Variants in PES1 observed in about 807,000 individuals in gnomAD.
PES1 encodes pescadillo homolog.
In PES1, 31 loss-of-function variants were observed where a neutral mutation model predicts 77.1. That is an observed-to-expected ratio of 0.40 (90% CI 0.30 to 0.54). The LOEUF (loss-of-function observed/expected upper bound fraction) is 0.54. Ranked by LOEUF, PES1 falls within the 20% of genes least tolerant of loss-of-function variation. PES1 has a pLI of 0.45. For missense variants in PES1, 658 were observed against 771.7 expected (o/e 0.85, Z 1.75); for synonymous variants, 282 against 303.0 (o/e 0.93, Z 0.72).
At chr22:30,600,632 C>T (rs768264240) in intron 2 of PES1, among the ~76,000 whole-genome samples, 2 of 151,944 alleles carry the variant, frequency 1.3e-5, no homozygotes, top group East Asian at 1.9e-4. Flanking sequence ...CTGGCTAACA[C>T]GGTGAAACCC....
At chr22:30,592,163 T>G, upstream of PES1, 1 of 1,127,770 alleles carries the variant, frequency 8.9e-7, no homozygotes, top group Non-Finnish European at 1.1e-6. Flanking sequence ...GTGAGCCTCG[T>G]TGCATGTTGG....
At chr22:30,580,421 T>C in intron 10 of PES1, 150 bp downstream of exon 10, 1 of 1,144,546 alleles carries the variant, frequency 8.7e-7, no homozygotes, top group South Asian at 1.5e-5. Flanking sequence ...ACTTCCTATG[T>C]GCTCAGTGCG....
intron 2 of PES1, among the ~76,000 whole-genome samples, chr22:30,600,139 C>T (rs1442054761): frequency 6.6e-6 from 1 of 151,934 alleles, no homozygotes; most frequent in Non-Finnish European, 1.5e-5. Context: ...TGAGACCACC[C>T]TGGGCAAAAT....
At chr22:30,601,023 C>CTT (rs1357616694) in intron 2 of PES1, among the ~76,000 whole-genome samples, 1 of 152,194 alleles carries the variant, frequency 6.6e-6, no homozygotes, top group Admixed American at 6.5e-5. Flanking sequence ...AGTTGTACTG[C>CTT]TTACATGACA....
At chr22:30,591,954 G>A (rs1313181004), upstream of PES1, 11 of 1,429,772 alleles carry the variant, frequency 7.7e-6, no homozygotes, top group South Asian at 3.0e-5. Flanking sequence ...TGTGCGGGCT[G>A]CCCAATGAGA....
At position 30,579,266 on chromosome 22, in the gene PES1, GTCCTCTTCCTCC is replaced by G; in HGVS notation, c.1380_1391del (p.Glu460_Glu463del). The G allele has an allele frequency of 3.7e-6, 6 of 1,601,414 alleles. No individual in the cohort carries two copies. The highest frequency in any genetic ancestry group is 5.1e-6 in the Non-Finnish European group (6 of 1,179,264). ...CATCACCATCACCTTCGTTGTTGTC[GTCCTCTTCCTCC>G]TCCTCTTCTGACTCATTCAGGTTTC... is the stretch of plus-strand genomic sequence containing the variant. On this transcript the variant is annotated inframe_deletion, in exon 13 of 15. Coordinates refer to ENST00000354694, the MANE Select transcript of PES1 (RefSeq NM_014303.4).
intron 2 of PES1, among the ~76,000 whole-genome samples, chr22:30,588,529 G>A (rs1016442588): frequency 2.6e-5 from 4 of 152,152 alleles, no homozygotes; most frequent in African/African-American, 9.7e-5. Flanking sequence ...TGTAATCCCA[G>A]CACTTTGGAA....
Position 30,580,670 on chromosome 22 carries a change from T to C in PES1, c.944A>G (p.Lys315Arg), listed in dbSNP as rs752197414. ...EMSAQEEDRRKELEAQEKHKK... is the reference protein window; with the variant it reads ...EMSAQEEDRRRELEAQEKHKK... Reference sequence around the variant, plus strand: ...GTGCTTCTCCTGCGCCTCCAGCTCCTTCCTGCGGTCTTCCTCCTGCGCTGA... The same window carrying C: ...GTGCTTCTCCTGCGCCTCCAGCTCCCTCCTGCGGTCTTCCTCCTGCGCTGA... The change falls in exon 10 of 15, where the codon AAG becomes AGG. Residue 315 changes from lysine (K) to arginine (R), a missense_variant. Lys to Arg is a conservative substitution (Grantham distance 26). Coordinates refer to ENST00000354694, the MANE Select transcript of PES1 (RefSeq NM_014303.4). 6 of 1,613,362 alleles carry C rather than the reference T, an allele frequency of 3.7e-6. No homozygotes were observed. The East Asian group carries it at 1.3e-4, about 36-fold the overall frequency.
chr22:30,604,706 G>C (rs1440099622), intron 2 of PES1, among the ~76,000 whole-genome samples: 1 of 151,972 alleles, frequency 6.6e-6, no homozygotes, highest in Non-Finnish European at 1.5e-5. Flanking sequence ...GGCTTTAGAG[G>C]TCCCTGTTAT....
At chr22:30,585,968 C>G (rs979148399) in intron 4 of PES1, among the ~76,000 whole-genome samples, 20 of 152,336 alleles carry the variant, frequency 1.3e-4, no homozygotes, top group African/African-American at 4.8e-4. Flanking sequence ...AACTGGCCCC[C>G]TCTGGTGCCT....
intron 1 of PES1, 115 bp downstream of exon 1, chr22:30,591,695 C>G (rs1380378912): frequency 1.7e-6 from 2 of 1,211,664 alleles, no homozygotes; most frequent in East Asian, 2.7e-5. Context: ...ATTACGGTCA[C>G]GTCGATCCCG....
rs952960146 is a variant in PES1 at position 30,580,270 on chromosome 22, A to G, written c.1044-92T>C. The G allele has an allele frequency of 2.1e-5, 31 of 1,488,652 alleles. No individual in the cohort carries two copies. In the African/African-American group the frequency reaches 3.8e-4, roughly 18 times the overall value. 92.2% of individuals were successfully genotyped at this position (1,488,652 alleles called of 1,614,324 possible). ...CTGGGACCTGCTGGCCACCCAGCCC[A>G]TAAACTCACCCTCTTAGGACACAAT... is the stretch of plus-strand genomic sequence containing the variant. On this transcript the variant is annotated intron_variant, in intron 10 of 14. Transcript: ENST00000354694.
chr22:30,592,257 A>AT (rs1325319872), upstream of PES1: 4 of 1,004,952 alleles, frequency 4.0e-6, no homozygotes, highest in Non-Finnish European at 3.6e-6. Flanking sequence ...GCGCGATAGG[A>AT]TTGCGTTGTC....
intron 2 of PES1, among the ~76,000 whole-genome samples, chr22:30,602,169 TG>T (rs2087365677): frequency 6.6e-6 from 1 of 152,210 alleles, no homozygotes; most frequent in South Asian, 2.1e-4. Flanking sequence ...AGACACCTGG[TG>T]GGAGGTGACT....
intron 2 of PES1, among the ~76,000 whole-genome samples, chr22:30,588,395 C>A (rs1206690755): frequency 6.6e-6 from 1 of 152,142 alleles, no homozygotes; most frequent in African/African-American, 2.4e-5. Context: ...GAGATATCAA[C>A]ATTTCAGCCA....
chr22:30,605,378 G>A (rs1284508160), intron 2 of PES1: 2 of 797,322 alleles, frequency 2.5e-6, no homozygotes, highest in African/African-American at 3.7e-5. Context: ...GTAGGCAGGG[G>A]GGTGTCTCCC....
intron 2 of PES1, among the ~76,000 whole-genome samples, chr22:30,596,987 A>C (rs2087263140): frequency 6.6e-6 from 1 of 152,178 alleles, no homozygotes; most frequent in Non-Finnish European, 1.5e-5. Context: ...GGCCACGGGC[A>C]GTGAGGGGCT....
intron 12 of PES1, 26 bp downstream of exon 12, chr22:30,579,724 AG>A (rs1187726415): frequency 6.2e-7 from 1 of 1,607,798 alleles, no homozygotes. Context: ...CCAGGGGTCA[AG>A]GCCAGCCCAG....
At position 30,584,730 on chromosome 22, in the gene PES1, T is replaced by C. The variant is rs2087048953; in HGVS notation, c.369-13A>G. On this transcript the variant is annotated splice_polypyrimidine_tract_variant and intron_variant, in intron 4 of 14. Coordinates refer to ENST00000354694, the MANE Select transcript of PES1 (RefSeq NM_014303.4). ...GAACGTGGGATACCTGCATGGCCAG[T>C]GAGGCAGCACATGGGGCCTGTTCAG... 7 of 1,612,888 alleles carry C rather than the reference T, an allele frequency of 4.3e-6. No homozygotes were observed. The South Asian group carries it at 6.6e-5, about 15-fold the overall frequency.
Sources: allele counts gnomAD v4.1 joint callset (sites outside exome capture counted in the v4.1 genomes callset), GRCh38; gene constraint gnomAD v4.1.1; transcripts MANE v1.5; gene names NCBI Gene and HGNC (gene_info 2026-07-23, HGNC 2026-07-21).